MBD5: variants seen among roughly 807,000 people sequenced by gnomAD.
MBD5 encodes the protein methyl-CpG-binding domain protein 5.
A neutral mutation model predicts 117.3 loss-of-function variants in MBD5; 13 were observed. That is an observed-to-expected ratio of 0.11 (90% CI 0.07 to 0.18). MBD5 has a LOEUF of 0.18. Among genes scored for constraint, MBD5 ranks in the 10% least tolerant of loss-of-function variants. The pLI, the probability that MBD5 is intolerant of heterozygous loss-of-function variation, is 1.00. For synonymous variants in MBD5, 727 were observed against 766.4 expected, an observed-to-expected ratio of 0.95 and a Z score of 0.85; for missense variants, 1,879 against 2,093.8, an observed-to-expected ratio of 0.90 and a Z score of 2.00.
chr2:148,081,651 A>C (rs188062132), intron 1 of MBD5, among the ~76,000 whole-genome samples: 2 of 152,150 alleles, frequency 1.3e-5, no homozygotes, highest in African/African-American at 4.8e-5. Flanking sequence ...AGAGGAGCAT[A>C]TTGTAAGTTC....
chr2:148,491,895 A>T (rs1270395050), intron 11 of MBD5, among the ~76,000 whole-genome samples: 2 of 152,068 alleles, frequency 1.3e-5, no homozygotes, highest in African/African-American at 2.4e-5. Flanking sequence ...AGATGTAGAC[A>T]TTGAACTGTT....
intron 3 of MBD5, among the ~76,000 whole-genome samples, chr2:148,317,476 A>C (rs901380930): frequency 6.6e-6 from 1 of 152,198 alleles, no homozygotes; most frequent in Admixed American, 6.5e-5. Flanking sequence ...TAATTTTAGT[A>C]TATTTAGTGG....
chr2:148,151,618 A>T (rs374245976), intron 1 of MBD5, among the ~76,000 whole-genome samples: 1 of 152,096 alleles, frequency 6.6e-6, no homozygotes, highest in Non-Finnish European at 1.5e-5. Context: ...ACAATTTCAG[A>T]TCCTGTTATT....
chr2:148,314,384 T>TTG (rs1361129628), intron 3 of MBD5, among the ~76,000 whole-genome samples: 1 of 146,938 alleles, frequency 6.8e-6, no homozygotes, highest in African/African-American at 2.5e-5. Context: ...TGGTTTTTTT[T>TTG]TTTTTTTTTT....
intron 1 of MBD5, among the ~76,000 whole-genome samples, chr2:148,079,319 T>C (rs760676913): frequency 6.6e-6 from 1 of 152,198 alleles, no homozygotes; most frequent in Non-Finnish European, 1.5e-5. Flanking sequence ...TCAAATGTTT[T>C]ACAGGATGAT....
intron 1 of MBD5, among the ~76,000 whole-genome samples, chr2:148,118,526 T>G (rs2105388511): frequency 6.6e-6 from 1 of 151,988 alleles, no homozygotes; most frequent in South Asian, 2.1e-4. Flanking sequence ...GGAGAATCTC[T>G]TAAGCCCAGG....
intron 4 of MBD5, among the ~76,000 whole-genome samples, chr2:148,427,311 C>T (rs1052832013): frequency 6.6e-6 from 1 of 152,056 alleles, no homozygotes; most frequent in African/African-American, 2.4e-5. Context: ...GGTATATACC[C>T]AAAGGATTAT....
At chr2:148,108,940 A>G (rs1381914012) in intron 1 of MBD5, among the ~76,000 whole-genome samples, 2 of 152,230 alleles carry the variant, frequency 1.3e-5, no homozygotes, top group Non-Finnish European at 2.9e-5. Context: ...TAATACCAAA[A>G]CAATACCATT....
chr2:148,511,616 A>G (rs541703911), intron 13 of MBD5, among the ~76,000 whole-genome samples: 3 of 150,886 alleles, frequency 2.0e-5, no homozygotes, highest in Non-Finnish European at 4.4e-5. Flanking sequence ...AAAAAATATT[A>G]AAGTGCCATA....
intron 8 of MBD5, among the ~76,000 whole-genome samples, chr2:148,475,656 C>T (rs1315967195): frequency 1.3e-5 from 2 of 152,090 alleles, no homozygotes; most frequent in Non-Finnish European, 2.9e-5. Flanking sequence ...TATAAAGCCA[C>T]TAGAAATCCT....
intron 3 of MBD5, among the ~76,000 whole-genome samples, chr2:148,313,463 C>A (rs1051888577): frequency 3.3e-5 from 5 of 150,572 alleles, no homozygotes; most frequent in Admixed American, 6.6e-5. Context: ...GAGGGTAAAA[C>A]CACCTACTCA....
chr2:148,382,463 T>G (rs1208491610), intron 4 of MBD5, among the ~76,000 whole-genome samples: 4 of 152,140 alleles, frequency 2.6e-5, no homozygotes, highest in Admixed American at 6.5e-5. Context: ...AGCAAGTCCT[T>G]AGTGACCTAC....
intron 3 of MBD5, among the ~76,000 whole-genome samples, chr2:148,332,757 T>C (rs963129373): frequency 1.3e-5 from 2 of 152,340 alleles, no homozygotes; most frequent in Non-Finnish European, 1.5e-5. Context: ...ATATGCCCTT[T>C]TGGAGGCCTA....
chr2:148,200,990 C>T (rs1699125672), intron 2 of MBD5, among the ~76,000 whole-genome samples: 1 of 152,168 alleles, frequency 6.6e-6, no homozygotes, highest in African/African-American at 2.4e-5. Context: ...AAGTTGTGTA[C>T]CAACCATCTG....
At chr2:148,508,852 TATGTC>T in intron 12 of MBD5, among the ~76,000 whole-genome samples, 1 of 152,310 alleles carries the variant, frequency 6.6e-6, no homozygotes, top group African/African-American at 2.4e-5. Flanking sequence ...GCATCTATGG[TATGTC>T]TAGCACTATA....
At chr2:148,418,044 T>A (rs1705478206) in intron 4 of MBD5, among the ~76,000 whole-genome samples, 1 of 152,108 alleles carries the variant, frequency 6.6e-6, no homozygotes, top group South Asian at 2.1e-4. Context: ...TTCACCATGT[T>A]GCCCAAGCTG....
intron 1 of MBD5, among the ~76,000 whole-genome samples, chr2:148,158,806 G>T (rs568329985): frequency 6.1e-4 from 93 of 152,240 alleles, no homozygotes; most frequent in African/African-American, 2.2e-3. Flanking sequence ...TGCAAGCTCC[G>T]CCTCCCGGGT....
chr2:148,229,089 G>GT (rs978124524), intron 2 of MBD5, among the ~76,000 whole-genome samples: 7 of 151,474 alleles, frequency 4.6e-5, no homozygotes, highest in South Asian at 2.1e-4. Context: ...TTTTTGAAGG[G>GT]TTTTTTTGTC....
chr2:148,497,458 T>C (rs1321381897), intron 11 of MBD5, among the ~76,000 whole-genome samples: 3 of 151,976 alleles, frequency 2.0e-5, no homozygotes, highest in African/African-American at 7.3e-5. Flanking sequence ...GAGTCTGGGG[T>C]CAGAGGATCA....
Sources: allele counts gnomAD v4.1 joint callset (sites outside exome capture counted in the v4.1 genomes callset), GRCh38; gene constraint gnomAD v4.1.1; transcripts MANE v1.5; gene names NCBI Gene and HGNC (gene_info 2026-07-23, HGNC 2026-07-21).